NUP214: variants seen among roughly 807,000 people sequenced by gnomAD.
NUP214 encodes the protein nucleoporin 214, also known as nuclear pore complex protein Nup214.
Under a neutral mutation model 196.2 loss-of-function variants are expected in NUP214, and 79 were observed. The observed-to-expected ratio is 0.40, with a 90% CI of 0.34 to 0.49. NUP214 has a LOEUF of 0.49. Among genes scored for constraint, NUP214 ranks in the 20% least tolerant of loss-of-function variants. The pLI is 0.58. For synonymous variants in NUP214, 1,020 were observed against 990.5 expected, an observed-to-expected ratio of 1.03 and a Z score of -0.56; for missense variants, 2,468 against 2,539.0, an observed-to-expected ratio of 0.97 and a Z score of 0.60.
rs865972397 is a variant in NUP214 at position 131,125,662 on chromosome 9, T to C, written c.-43T>C. ...GGCCTGGGTTCCGTGGGCAAGGCCGTGGGAGGCAGCGTTGGCTGCTTCGAC... is the reference window on the plus strand; with the variant it reads ...GGCCTGGGTTCCGTGGGCAAGGCCGCGGGAGGCAGCGTTGGCTGCTTCGAC... On this transcript the variant is annotated 5_prime_UTR_variant, in exon 1 of 36. Transcript: ENST00000359428. The surrounding 1 kb of genome is among the most constrained non-coding windows in gnomAD (Gnocchi z 4.1). The C allele has an allele frequency of 1.9e-6, 3 of 1,545,034 alleles. No individual in the cohort carries two copies. In the Middle Eastern group the frequency reaches 5.0e-4, roughly 259 times the overall value.
chr9:131,189,235 A>C, intron 26 of NUP214, 104 bp downstream of exon 26: 1 of 906,308 alleles, frequency 1.1e-6, no homozygotes, highest in Admixed American at 1.7e-5. Flanking sequence ...CAGGAGTCAC[A>C]TTTGATGAGA....
At chr9:131,153,913 A>T (rs1353570010) in intron 17 of NUP214, among the ~76,000 whole-genome samples, 1 of 152,214 alleles carries the variant, frequency 6.6e-6, no homozygotes, top group African/African-American at 2.4e-5. Flanking sequence ...GTAGTGTGGG[A>T]TATGTTGCTA....
At chr9:131,223,758 G>A (rs538344636) in intron 32 of NUP214, among the ~76,000 whole-genome samples, 62 of 3,824 alleles carry the variant, frequency 0.016, no homozygotes, top group Middle Eastern at 0.2. Flanking sequence ...TTTTTGAGAC[G>A]GAGTCTCGCT....
At chr9:131,144,777 T>C in intron 12 of NUP214, 23 bp downstream of exon 12, 1 of 1,512,034 alleles carries the variant, frequency 6.6e-7, no homozygotes, top group Non-Finnish European at 9.0e-7. Flanking sequence ...TAAAGTTTGA[T>C]TCTTCTGTGA....
At chr9:131,233,329 C>G in intron 35 of NUP214, 125 bp from the exon 36 acceptor site, 2 of 927,918 alleles carry the variant, frequency 2.2e-6, no homozygotes, top group Non-Finnish European at 3.1e-6. Flanking sequence ...GAGTGAGACT[C>G]TGTATCAAAA....
Position 131,144,460 on chromosome 9 carries a change from C to T in NUP214, c.1475C>T (p.Ser492Phe), listed in dbSNP as rs749474640. 3.7e-6 allele frequency: 6 copies of T among 1,614,090 alleles called. No individual in the cohort carries two copies. Among genetic ancestry groups the T allele is most frequent in the Non-Finnish European group, 4.2e-6 (5 of 1,180,040 alleles). The change falls in exon 12 of 36, where the codon TCT (serine) becomes TTT (phenylalanine). Residue 492 changes from serine to phenylalanine, a missense_variant. Physicochemically the swap from Ser to Phe is radical, Grantham distance 155. Around this residue, in one of 5 missense-constraint regions of NUP214, gnomAD observed 1,801 missense variants for 1,779.4 expected, o/e 1.01. Coordinates refer to ENST00000359428, the MANE Select transcript of NUP214 (RefSeq NM_005085.4). ...TTTGGTTCTTCATCTTTGAAGTCAT[C>T]TGCTACGGTCACTGGGGAGCCCCCT... is the stretch of plus-strand genomic sequence containing the variant. The part of the protein sequence containing the change: ...FSFGSSSLKS[S>F]ATVTGEPPSY...
At chr9:131,170,515 A>T (rs1044568422) in intron 21 of NUP214, among the ~76,000 whole-genome samples, 1 of 152,196 alleles carries the variant, frequency 6.6e-6, no homozygotes, top group Non-Finnish European at 1.5e-5. Flanking sequence ...CGTGGGAGAC[A>T]TGCACATCTT....
rs527992133 is a variant in NUP214, at chr9:131,162,419, G to A, written c.2541-572G>A. ...TACTTAAAGATTTCTACTGAAAAGC[G>A]GAAGCAAATAGACCTGTCGCCCTCT... On this transcript the variant is annotated intron_variant, in intron 18 of 35. Transcript: ENST00000359428. 6.6e-5 allele frequency among the ~76,000 whole-genome samples: 10 copies of A among 152,290 alleles called. No homozygotes were observed. In the East Asian group the frequency reaches 1.7e-3, roughly 26 times the overall value.
intron 24 of NUP214, among the ~76,000 whole-genome samples, chr9:131,181,726 G>T (rs1239932424): frequency 6.6e-6 from 1 of 152,096 alleles, no homozygotes; most frequent in Non-Finnish European, 1.5e-5. Flanking sequence ...CTGTATTCAA[G>T]TCTCTCATCA....
At chr9:131,231,257 A>G (rs1427265440) in intron 34 of NUP214, among the ~76,000 whole-genome samples, 3 of 151,978 alleles carry the variant, frequency 2.0e-5, no homozygotes, top group Non-Finnish European at 4.4e-5. Flanking sequence ...CAGTGGCACA[A>G]TCTCGGCTCA....
At chr9:131,233,175 A>C (rs904138029) in intron 35 of NUP214, among the ~76,000 whole-genome samples, 2 of 151,980 alleles carry the variant, frequency 1.3e-5, no homozygotes, top group African/African-American at 4.8e-5. Context: ...ACATATATAG[A>C]TAAACACACA....
At chr9:131,172,650 C>T (rs972072824) in intron 21 of NUP214, among the ~76,000 whole-genome samples, 30 of 152,114 alleles carry the variant, frequency 2.0e-4, no homozygotes, top group Non-Finnish European at 4.0e-4. Flanking sequence ...ATAGTGCAAT[C>T]GAGGAATTGA....
chr9:131,229,638 A>C (rs765110445), intron 33 of NUP214: 1 of 486,616 alleles, frequency 2.1e-6, no homozygotes, highest in Non-Finnish European at 4.0e-6. Context: ...TTAAATCTCC[A>C]TAAGAGCCCA....
At chr9:131,155,063 T>C (rs1832394668) in intron 17 of NUP214, among the ~76,000 whole-genome samples, 1 of 152,236 alleles carries the variant, frequency 6.6e-6, no homozygotes, top group Admixed American at 6.5e-5. Flanking sequence ...TTAAGAAATC[T>C]CCATATTGTT....
chr9:131,133,404 A>G (rs1831621503), intron 7 of NUP214, among the ~76,000 whole-genome samples, 195 bp downstream of exon 7: 1 of 149,662 alleles, frequency 6.7e-6, no homozygotes, highest in South Asian at 2.1e-4. Flanking sequence ...TCCTGGACTC[A>G]AGTGATCCTC....
intron 31 of NUP214, 90 bp from the exon 32 acceptor site, chr9:131,222,688 A>G: frequency 6.8e-7 from 1 of 1,461,558 alleles, no homozygotes; most frequent in African/African-American, 1.4e-5. Flanking sequence ...CCATCTTTCC[A>G]AACACCCAAC....
chr9:131,197,907 G>A lies in NUP214; in HGVS notation c.4413G>A (p.Leu1471=), dbSNP rs756188207. The part of the protein sequence containing the change: ...ATPLPTSFPT[L]SFGSLLSSAT... ...CCCTTCCAACATCATTCCCCACATT[G>A]TCATTTGGTAGCCTCCTGAGTTCAG... is the stretch of plus-strand genomic sequence containing the variant. The change falls in exon 29 of 36, where the codon TTG becomes TTA. Residue 1471 remains leucine (L), a synonymous_variant. Coordinates refer to ENST00000359428, the MANE Select transcript of NUP214 (RefSeq NM_005085.4). 6 of 1,613,980 alleles carry A rather than the reference G, an allele frequency of 3.7e-6. No individual in the cohort carries two copies. The highest frequency in any genetic ancestry group is 1.1e-5 in the South Asian group (1 of 91,072).
At chr9:131,152,573 A>G (rs779653703) in intron 17 of NUP214, among the ~76,000 whole-genome samples, 22 of 152,108 alleles carry the variant, frequency 1.4e-4, no homozygotes, top group Non-Finnish European at 2.6e-4. Flanking sequence ...GGTGTTTCTT[A>G]TGCATTATTT....
At chr9:131,128,294 C>A (rs370041986) in intron 2 of NUP214, 38 bp from the exon 3 acceptor site, 2 of 1,590,712 alleles carry the variant, frequency 1.3e-6, no homozygotes, top group East Asian at 2.2e-5. Flanking sequence ...ATGCTTAGAA[C>A]ATACCGTTTT....
Sources: gnomAD v4.1 joint callset for allele counts (sites outside exome capture counted in the v4.1 genomes callset) on GRCh38, gnomAD v4.1.1 for gene constraint, gnomAD v4.1.1 regional missense constraint, Gnocchi (gnomAD v3.1) non-coding constraint, MANE v1.5 for transcripts, NCBI Gene and HGNC (gene_info 2026-07-23, HGNC 2026-07-21) for gene names.